The following TTC39B variants were observed in gnomAD, a reference collection of about 807,000 sequenced individuals.
The protein encoded by TTC39B is tetratricopeptide repeat protein 39B.
TTC39B carries 92 observed loss-of-function variants against 96.6 expected under a neutral mutation model. The observed-to-expected ratio is 0.95, with a 90% CI of 0.80 to 1.13. TTC39B has a LOEUF of 1.13. Among genes scored for constraint, TTC39B ranks in the 50% most tolerant of loss-of-function variants. TTC39B has a pLI of 0.00. For synonymous variants in TTC39B, 367 were observed against 299.4 expected, an observed-to-expected ratio of 1.23 and a Z score of -2.33; for missense variants, 955 against 809.3, an observed-to-expected ratio of 1.18 and a Z score of -2.18.
intron 19 of TTC39B, among the ~76,000 whole-genome samples, chr9:15,174,264 TAG>T (rs1817811115): frequency 7.1e-5 from 1 of 14,158 alleles, no homozygotes; most frequent in South Asian, 2.9e-3. Flanking sequence ...CCTTTACTAG[TAG>T]TGTCTGACAC....
chr9:15,261,421 G>C (rs910076805), intron 2 of TTC39B, among the ~76,000 whole-genome samples: 2 of 152,146 alleles, frequency 1.3e-5, no homozygotes, highest in African/African-American at 4.8e-5. Flanking sequence ...GCTGCAGTGA[G>C]TTGAGAACGC....
exon 20 of TTC39B, chr9:15,170,949 A>G (rs991922186): frequency 3.3e-5 from 5 of 152,218 alleles, no homozygotes; most frequent in African/African-American, 9.6e-5. Flanking sequence ...CTGTTCTTTA[A>G]TCTTGATTTC....
intron 2 of TTC39B, among the ~76,000 whole-genome samples, chr9:15,243,391 A>C (rs1208461068): frequency 6.6e-6 from 1 of 152,236 alleles, no homozygotes; most frequent in Non-Finnish European, 1.5e-5. Flanking sequence ...AGTTGAAAAG[A>C]ATACAAGTAC....
intron 1 of TTC39B, among the ~76,000 whole-genome samples, chr9:15,286,945 G>A (rs1326497255): frequency 6.6e-6 from 1 of 152,140 alleles, no homozygotes; most frequent in Non-Finnish European, 1.5e-5. Flanking sequence ...TCCCATCTCA[G>A]AAAATTCTAA....
chr9:15,262,079 T>A (rs1047680626), intron 2 of TTC39B, among the ~76,000 whole-genome samples: 10 of 152,068 alleles, frequency 6.6e-5, no homozygotes, highest in African/African-American at 1.2e-4. Flanking sequence ...TTTTAATTTT[T>A]ATTTTTTATT....
intron 1 of TTC39B, among the ~76,000 whole-genome samples, chr9:15,287,393 C>T (rs1339706181): frequency 6.6e-6 from 1 of 152,156 alleles, no homozygotes; most frequent in African/African-American, 2.4e-5. Flanking sequence ...ACAGGTCAGT[C>T]GTAACAGAGT....
At chr9:15,222,126 G>A (rs1820878002) in intron 3 of TTC39B, among the ~76,000 whole-genome samples, 1 of 152,188 alleles carries the variant, frequency 6.6e-6, no homozygotes. Flanking sequence ...TTTTGTCGTA[G>A]TTGTTAAACT....
intron 1 of TTC39B, among the ~76,000 whole-genome samples, chr9:15,283,426 G>T (rs1437869793): frequency 2.0e-5 from 3 of 152,156 alleles, no homozygotes; most frequent in Non-Finnish European, 4.4e-5. Context: ...ATGTAAACTT[G>T]ACATTTCTGT....
At chr9:15,251,700 C>CATACATATAT (rs1554624735) in intron 2 of TTC39B, among the ~76,000 whole-genome samples, 2 of 98,350 alleles carry the variant, frequency 2.0e-5, no homozygotes, top group African/African-American at 6.2e-5. Flanking sequence ...CATACATATA[C>CATACATATAT]ATATATATAT....
chr9:15,265,301 C>T (rs1028672046), intron 2 of TTC39B, among the ~76,000 whole-genome samples: 7 of 152,192 alleles, frequency 4.6e-5, no homozygotes. Flanking sequence ...GCACAAGCAT[C>T]AATGTGCACT....
intron 8 of TTC39B, among the ~76,000 whole-genome samples, chr9:15,196,489 G>C (rs1460406911): frequency 6.6e-6 from 1 of 152,204 alleles, no homozygotes; most frequent in Non-Finnish European, 1.5e-5. Context: ...ATTCTGAGGG[G>C]TTCAAGACTT....
intron 1 of TTC39B, among the ~76,000 whole-genome samples, chr9:15,299,882 T>A (rs947530349): frequency 6.6e-6 from 1 of 152,122 alleles, no homozygotes; most frequent in Admixed American, 6.5e-5. Flanking sequence ...GAAGCATATG[T>A]GTTACCCAGA....
rs574219555 is a variant in TTC39B at position 15,192,029 on chromosome 9, T to C, written c.930+561A>G. Among the ~76,000 whole-genome samples the C allele has an allele frequency of 9.2e-5, 14 of 152,342 alleles. 1 individual carries two copies. In the East Asian group the frequency reaches 2.7e-3, roughly 29 times the overall value. ...TCCATTCTGTGGGTACCAGTCAGCC[T>C]CTTTCCCATTTATCACCCCACAGGC... On this transcript the variant is annotated intron_variant, in intron 9 of 19. Coordinates refer to ENST00000512701, the Ensembl canonical transcript of TTC39B.
At chr9:15,177,583 A>C in intron 18 of TTC39B, 114 bp downstream of exon 18, 2 of 676,628 alleles carry the variant, frequency 3.0e-6, no homozygotes, top group Non-Finnish European at 5.1e-6. Flanking sequence ...TCTTTCTGGT[A>C]ACACCAAGTA....
chr9:15,201,943 A>G (rs1463464760), intron 7 of TTC39B, among the ~76,000 whole-genome samples: 4 of 152,202 alleles, frequency 2.6e-5, no homozygotes, highest in Admixed American at 1.3e-4. Context: ...CAACTGCAGA[A>G]TAGGGAATGA....
At chr9:15,285,138 G>A (rs954828427) in intron 1 of TTC39B, among the ~76,000 whole-genome samples, 20 of 151,994 alleles carry the variant, frequency 1.3e-4, no homozygotes, top group Admixed American at 9.2e-4. Flanking sequence ...GGTGGCGGGC[G>A]CCTGTAGTCC....
At chr9:15,258,036 G>T (rs1407509614) in intron 2 of TTC39B, among the ~76,000 whole-genome samples, 1 of 151,732 alleles carries the variant, frequency 6.6e-6, no homozygotes, top group Non-Finnish European at 1.5e-5. Context: ...CTCCAGCCTG[G>T]GCAATAAGAG....
chr9:15,289,818 G>A (rs537508738), intron 1 of TTC39B, among the ~76,000 whole-genome samples: 14 of 152,282 alleles, frequency 9.2e-5, no homozygotes, highest in African/African-American at 3.1e-4. Flanking sequence ...CTGCCTTAAG[G>A]AATGAATAGA....
At chr9:15,237,672 A>G (rs986962149) in intron 2 of TTC39B, among the ~76,000 whole-genome samples, 2 of 149,862 alleles carry the variant, frequency 1.3e-5, no homozygotes, top group African/African-American at 2.4e-5. Flanking sequence ...AAAAAAAAGC[A>G]GCTCAGGACC....
Sources: gnomAD v4.1 joint callset for allele counts (sites outside exome capture counted in the v4.1 genomes callset) on GRCh38, gnomAD v4.1.1 for gene constraint, MANE v1.5 for transcripts, NCBI Gene and HGNC (gene_info 2026-07-23, HGNC 2026-07-21) for gene names.